Variants in PEX7 observed in about 807,000 individuals in gnomAD.
PEX7 encodes PTS2 receptor.
In PEX7, 34 loss-of-function variants were observed where a neutral mutation model predicts 47.5. The ratio of observed to expected loss-of-function variants is 0.72; its 90% confidence interval spans 0.54 to 0.95. The LOEUF is 0.95. Ranked by LOEUF, PEX7 falls within the 40% of genes least tolerant of loss-of-function variation. PEX7 has a pLI of 0.00. For missense variants in PEX7, 394 were observed against 400.3 expected, an observed-to-expected ratio of 0.98 and a Z score of 0.13; for synonymous variants, 141 against 148.8, an observed-to-expected ratio of 0.95 and a Z score of 0.38.
At chr6:136,880,041 G>GT (rs796254044) in intron 8 of PEX7, among the ~76,000 whole-genome samples, 11 of 149,820 alleles carry the variant, frequency 7.3e-5, no homozygotes, top group African/African-American at 2.4e-4. Context: ...GGTTTTGTTG[G>GT]TTTTTTTTCT....
At chr6:136,886,661 G>A (rs138467472) in intron 8 of PEX7, among the ~76,000 whole-genome samples, 2 of 152,284 alleles carry the variant, frequency 1.3e-5, no homozygotes, top group East Asian at 3.9e-4. Context: ...CACTGTGAAG[G>A]TGAAGTAGGA....
intron 3 of PEX7, among the ~76,000 whole-genome samples, chr6:136,843,458 G>A (rs145625610): frequency 4.1e-4 from 62 of 152,276 alleles, no homozygotes; most frequent in Middle Eastern, 6.8e-3. Flanking sequence ...CAAGCCATGC[G>A]CATTCATTCG....
intron 3 of PEX7, among the ~76,000 whole-genome samples, chr6:136,827,996 C>T (rs1423846301): frequency 6.6e-6 from 1 of 151,024 alleles, no homozygotes; most frequent in Non-Finnish European, 1.5e-5. Flanking sequence ...TTTTTCTTTT[C>T]AGAAGTTTTT....
At chr6:136,832,821 A>G (rs1774318297) in intron 3 of PEX7, among the ~76,000 whole-genome samples, 1 of 152,190 alleles carries the variant, frequency 6.6e-6, no homozygotes, top group African/African-American at 2.4e-5. Flanking sequence ...CCTTTACTCC[A>G]GTTCCCAGTA....
At chr6:136,869,077 T>A (rs1209357832) in intron 6 of PEX7, among the ~76,000 whole-genome samples, 1 of 151,800 alleles carries the variant, frequency 6.6e-6, no homozygotes, top group African/African-American at 2.4e-5. Flanking sequence ...AACCTCAGAG[T>A]ATGTTGAAAC....
rs561141510 is a variant in PEX7, at chr6:136,875,958, G to A, written c.803+3705G>A. ...GTCTCATATCAGAATCATTGCCCTC[G>A]CTTTCATACTGTGTTTACTTTCCAG... On this transcript the variant is annotated intron_variant, in intron 8 of 9. Coordinates refer to ENST00000318471, the MANE Select transcript of PEX7 (RefSeq NM_000288.4). Among the ~76,000 whole-genome samples, 97 of 151,630 alleles carry A rather than the reference G, an allele frequency of 6.4e-4. No individual in the cohort carries two copies. In the South Asian group the frequency reaches 0.019, roughly 30 times the overall value.
chr6:136,856,652 T>C (rs1774867408), intron 5 of PEX7, among the ~76,000 whole-genome samples: 1 of 152,208 alleles, frequency 6.6e-6, no homozygotes, highest in Admixed American at 6.5e-5. Flanking sequence ...AATATTTTGA[T>C]TGGCTTAGGC....
At position 136,913,570 on chromosome 6, in the gene PEX7, C is replaced by G; in HGVS notation, c.*44C>G. Reference sequence around the variant, plus strand: ...GAAACAGAGGATGTTGGCTGAAGAACTGCCTAACAGCAAATAAATTAACTA... The same window carrying G: ...GAAACAGAGGATGTTGGCTGAAGAAGTGCCTAACAGCAAATAAATTAACTA... On this transcript the variant is annotated 3_prime_UTR_variant, in exon 10 of 10. Coordinates refer to ENST00000318471, the MANE Select transcript of PEX7 (RefSeq NM_000288.4). 10 of 1,200,864 alleles carry G rather than the reference C, an allele frequency of 8.3e-6. No individual in the cohort carries two copies. The highest frequency in any genetic ancestry group is 1.2e-5 in the Non-Finnish European group (10 of 803,708). The allele number at this position is 1,200,864 out of a possible 1,614,324, so 74.4% of individuals were successfully genotyped here.
chr6:136,873,418 A>G (rs957170652), intron 8 of PEX7, among the ~76,000 whole-genome samples: 5 of 152,154 alleles, frequency 3.3e-5, no homozygotes, highest in African/African-American at 1.2e-4. Context: ...TAAAAGGTAA[A>G]CATATGTAGT....
chr6:136,888,569 C>T (rs1159895555), intron 8 of PEX7, among the ~76,000 whole-genome samples: 2 of 151,966 alleles, frequency 1.3e-5, no homozygotes, highest in East Asian at 1.9e-4. Flanking sequence ...TTGCATTCCC[C>T]GATTTGTGTA....
intron 8 of PEX7, among the ~76,000 whole-genome samples, chr6:136,872,509 A>G (rs895630936): frequency 1.3e-5 from 2 of 152,152 alleles, no homozygotes; most frequent in African/African-American, 4.8e-5. Flanking sequence ...AGATGTTCCT[A>G]TGGTAACACT....
chr6:136,892,263 G>A (rs1775568988), intron 8 of PEX7, among the ~76,000 whole-genome samples: 1 of 152,146 alleles, frequency 6.6e-6, no homozygotes, highest in South Asian at 2.1e-4. Context: ...AATTCTTTCT[G>A]TAGTTTGAAG....
chr6:136,889,056 T>G (rs1775514326), intron 8 of PEX7, among the ~76,000 whole-genome samples: 2 of 152,198 alleles, frequency 1.3e-5, no homozygotes, highest in Admixed American at 6.5e-5. Flanking sequence ...GACACATCTC[T>G]AAGCTTCATA....
chr6:136,825,261 CT>C lies in PEX7; in HGVS notation c.183del (p.Phe61LeufsTer13), dbSNP rs774131564. On this transcript the variant is annotated frameshift_variant, in exon 2 of 10. Transcript: ENST00000318471. LOFTEE classifies it high-confidence loss of function. ...ILDPDEAGLRLFRSFDWNDGL... is the reference protein window; with the variant it reads ...ILDPDEAGLRXFRSFDWNDGL... The stretch of plus-strand genomic sequence containing the variant: ...GGATCCAGATGAAGCTGGGCTAAGG[CT>C]TTTTAGAAGGTAAGGGGGCTGAAAT... 7 of 1,612,486 alleles carry C rather than the reference CT, an allele frequency of 4.3e-6. No homozygotes were observed. The East Asian group carries it at 1.6e-4, about 36-fold the overall frequency.
At chr6:136,898,283 C>T in intron 9 of PEX7, 42 bp downstream of exon 9, 2 of 1,159,970 alleles carry the variant, frequency 1.7e-6, no homozygotes, top group African/African-American at 1.5e-5. Context: ...TGCCCAAGTT[C>T]ACAGCCAACT....
At chr6:136,889,195 G>A (rs1440457386) in intron 8 of PEX7, among the ~76,000 whole-genome samples, 3 of 152,078 alleles carry the variant, frequency 2.0e-5, no homozygotes, top group Non-Finnish European at 4.4e-5. Flanking sequence ...AAATTCTTGT[G>A]TTAATTACTG....
chr6:136,875,632 T>G (rs1380717620), intron 8 of PEX7, among the ~76,000 whole-genome samples: 1 of 152,220 alleles, frequency 6.6e-6, no homozygotes, highest in African/African-American at 2.4e-5. Context: ...GTCTCCATTT[T>G]CAGGCTGTAA....
chr6:136,823,197 G>A (rs910738018), intron 1 of PEX7: 25 of 985,290 alleles, frequency 2.5e-5, no homozygotes, highest in Non-Finnish European at 3.0e-5. Flanking sequence ...AACCGACCCA[G>A]GGCTCGCGAG....
chr6:136,875,912 T>C (rs912612391), intron 8 of PEX7, among the ~76,000 whole-genome samples: 4 of 152,234 alleles, frequency 2.6e-5, no homozygotes, highest in Non-Finnish European at 4.4e-5. Flanking sequence ...CAGTTAATGC[T>C]TTTTGTTTCA....
Sources: gnomAD v4.1 joint callset for allele counts (sites outside exome capture counted in the v4.1 genomes callset) on GRCh38, gnomAD v4.1.1 for gene constraint, MANE v1.5 for transcripts, NCBI Gene and HGNC (gene_info 2026-07-23, HGNC 2026-07-21) for gene names.